Variants in PAK3 observed in about 807,000 individuals in gnomAD.
The protein encoded by PAK3 is p21 (RAC1) activated kinase 3.
A neutral mutation model predicts 41.0 loss-of-function variants in PAK3; 4 were observed. The observed-to-expected ratio is 0.10, with a 90% CI of 0.05 to 0.22. The LOEUF (loss-of-function observed/expected upper bound fraction) is 0.22, where lower values mean the gene tolerates loss of function less well. PAK3 is among the 10% of genes least tolerant of loss of function. PAK3 has a pLI of 1.00. For missense variants in PAK3, 205 were observed against 409.9 expected (o/e 0.50, Z 4.32); for synonymous variants, 146 against 139.6 (o/e 1.05, Z -0.32).
At chrX:111,145,069 G>A (rs1298073605) in intron 6 of PAK3, 1 of 348,663 alleles carries the variant, frequency 2.9e-6, no homozygotes, top group Non-Finnish European at 5.2e-6. Context: ...ACATTGATAT[G>A]TGCTCCTGCT....
At position 111,225,540 on chromosome X, in the gene PAK3, T is replaced by A. The variant is rs1603405631; in HGVS notation, c.*5093T>A. On this transcript the variant is annotated 3_prime_UTR_variant, in exon 18 of 18. Coordinates refer to ENST00000372007, the MANE Select transcript of PAK3 (RefSeq NM_002578.5). ...CTGGCAACATGTTCAACAGATTTAGTACCCAAGAGGAAATCAACAGCGATA... is the reference window on the plus strand; with the variant it reads ...CTGGCAACATGTTCAACAGATTTAGAACCCAAGAGGAAATCAACAGCGATA... 8.9e-6 allele frequency: 1 copy of A among 111,929 alleles called. No individual in the cohort carries two copies. Among genetic ancestry groups the A allele is most frequent in the African/African-American group, 3.2e-5 (1 of 30,791 alleles). 9.2% of individuals were successfully genotyped at this position (111,929 alleles called of 1,213,427 possible). A position where few individuals can be genotyped will look rare whatever the true frequency, so the allele number is the denominator to read the frequency against.
chrX:111,102,902 G>A (rs1429758044), intron 3 of PAK3, among the ~76,000 whole-genome samples: 1 of 111,851 alleles, frequency 8.9e-6, no homozygotes, highest in East Asian at 2.8e-4. Flanking sequence ...TGCCCTTTCT[G>A]GAATCCTATG....
At chrX:111,120,481 C>A (rs1023776465) in intron 4 of PAK3, among the ~76,000 whole-genome samples, 4 of 111,829 alleles carry the variant, frequency 3.6e-5, no homozygotes, top group Non-Finnish European at 7.5e-5. Flanking sequence ...ACCTATTTAT[C>A]AAGAACAAAG....
At position 110,997,822 on chromosome X, in the gene PAK3, C is replaced by T. The variant is rs937442880; in HGVS notation, c.-28+53194C>T. On this transcript the variant is annotated intron_variant, in intron 1 of 14. Transcript: ENST00000425146. ...TTAGGTCATCACGGAGGAGCCTCTA[C>T]GAATGGAAGGGATTAGTACCCTTAT... Among the ~76,000 whole-genome samples the T allele has an allele frequency of 6.3e-5, 7 of 110,445 alleles. No individual in the cohort carries two copies. The South Asian group carries it at 1.2e-3, about 19-fold the overall frequency.
chrX:111,009,119 C>A (rs1456977065), intron 1 of PAK3, among the ~76,000 whole-genome samples: 1 of 111,226 alleles, frequency 9.0e-6, no homozygotes, highest in Admixed American at 9.5e-5. Flanking sequence ...TGTTACAGAA[C>A]CACAGCTCTT....
chrX:111,090,195 A>T (rs920666302), intron 1 of PAK3, among the ~76,000 whole-genome samples: 2 of 111,132 alleles, frequency 1.8e-5, no homozygotes, highest in African/African-American at 6.6e-5. Flanking sequence ...TCTTTGACAC[A>T]TAGCCCTCTT....
intron 17 of PAK3, 54 bp downstream of exon 17, chrX:111,216,612 T>C: frequency 2.0e-6 from 2 of 978,900 alleles, no homozygotes; most frequent in South Asian, 3.8e-5. Context: ...AGCTTTTCCA[T>C]CTCAATGTGT....
intron 11 of PAK3, among the ~76,000 whole-genome samples, chrX:111,185,895 A>G (rs1294644791): frequency 9.0e-6 from 1 of 111,287 alleles, no homozygotes; most frequent in Admixed American, 9.6e-5. Context: ...AAAATCCCCA[A>G]TAAAATACTG....
chrX:111,030,412 T>C (rs2092326287), intron 1 of PAK3, among the ~76,000 whole-genome samples: 2 of 111,619 alleles, frequency 1.8e-5, no homozygotes, highest in Admixed American at 1.9e-4. Flanking sequence ...ACTCAACAAT[T>C]GTTAAAGATC....
intron 1 of PAK3, among the ~76,000 whole-genome samples, chrX:110,989,318 TTAACA>T (rs941584151): frequency 8.9e-6 from 1 of 112,344 alleles, no homozygotes; most frequent in African/African-American, 3.2e-5. Context: ...ATCATACAAC[TTAACA>T]TAGTATATTT....
intron 1 of PAK3, among the ~76,000 whole-genome samples, chrX:111,075,978 T>C (rs1438420803): frequency 1.8e-5 from 2 of 112,829 alleles, no homozygotes; most frequent in African/African-American, 6.4e-5. Flanking sequence ...ATGGGGCCTA[T>C]TGCCCTTTCC....
At chrX:111,205,839 T>G (rs1258607499) in intron 16 of PAK3, among the ~76,000 whole-genome samples, 2 of 112,042 alleles carry the variant, frequency 1.8e-5, no homozygotes. Context: ...CAGCCTGTTT[T>G]AATCCTAATA....
intron 4 of PAK3, among the ~76,000 whole-genome samples, chrX:111,106,940 A>G (rs1449836160): frequency 2.7e-5 from 3 of 111,874 alleles, no homozygotes; most frequent in African/African-American, 6.5e-5. Flanking sequence ...TCCTTTCCAC[A>G]TACTTTTTCT....
At position 111,225,183 on chromosome X, in the gene PAK3, T is replaced by C. The variant is rs976343032; in HGVS notation, c.*4736T>C. 3.6e-5 allele frequency: 4 copies of C among 112,585 alleles called. No individual in the cohort carries two copies. The highest frequency in any genetic ancestry group is 1.3e-4 in the African/African-American group (4 of 30,981). 9.3% of individuals were successfully genotyped at this position (112,585 alleles called of 1,213,427 possible). On this transcript the variant is annotated 3_prime_UTR_variant, in exon 18 of 18. Transcript: ENST00000372007. Reference sequence around the variant, plus strand: ...AGAATTTTTCGTAGAAGATTTGTTTTTGATATAATCTTTCTGTTGGTTAGC... The same window carrying C: ...AGAATTTTTCGTAGAAGATTTGTTTCTGATATAATCTTTCTGTTGGTTAGC...
chrX:111,094,253 A>T (rs752918879), upstream of PAK3, among the ~76,000 whole-genome samples: 3 of 111,779 alleles, frequency 2.7e-5, no homozygotes, highest in African/African-American at 6.5e-5. Context: ...CTGATTTTTT[A>T]AAAATGCCAA....
intron 1 of PAK3, among the ~76,000 whole-genome samples, chrX:111,054,653 T>C (rs1396509383): frequency 8.9e-6 from 1 of 111,829 alleles, no homozygotes. Flanking sequence ...ATGCTATTCC[T>C]GGAATAGTAA....
intron 3 of PAK3, among the ~76,000 whole-genome samples, chrX:111,102,631 G>C (rs2093165794): frequency 8.9e-6 from 1 of 112,518 alleles, no homozygotes; most frequent in Non-Finnish European, 1.9e-5. Flanking sequence ...CATATTCACA[G>C]AGCCAACCTT....
chrX:110,956,924 G>A (rs1419930029), intron 1 of PAK3, among the ~76,000 whole-genome samples: 1 of 111,613 alleles, frequency 9.0e-6, no homozygotes, highest in Non-Finnish European at 1.9e-5. Flanking sequence ...TCCTCCCAGG[G>A]CATCGCCTAG....
At chrX:111,162,345 G>A (rs1254316448) in intron 8 of PAK3, among the ~76,000 whole-genome samples, 1 of 111,923 alleles carries the variant, frequency 8.9e-6, no homozygotes, top group Admixed American at 9.5e-5. Flanking sequence ...ATGTGGATGA[G>A]TAGTTCTTAG....
Sources: allele counts gnomAD v4.1 joint callset (sites outside exome capture counted in the v4.1 genomes callset), GRCh38; gene constraint gnomAD v4.1.1; transcripts MANE v1.5; gene names NCBI Gene and HGNC (gene_info 2026-07-23, HGNC 2026-07-21).